The following LPIN1 variants were observed in gnomAD, a reference collection of about 807,000 sequenced individuals.
LPIN1 encodes the protein lipin 1.
In LPIN1, 71 loss-of-function variants were observed where a neutral mutation model predicts 107.5. The observed-to-expected ratio is 0.66, with a 90% CI of 0.55 to 0.80. LPIN1 has a LOEUF of 0.80. Among genes scored for constraint, LPIN1 ranks in the 30% least tolerant of loss-of-function variants. The probability of loss-of-function intolerance (pLI) is 0.00; values close to 1 mark genes in which losing one functional copy is unlikely to be tolerated. For synonymous variants in LPIN1, 445 were observed against 452.6 expected (o/e 0.98, Z 0.21); for missense variants, 1,043 against 1,160.6 (o/e 0.90, Z 1.47).
chr2:11,686,190 G>A (rs192075062), intron 1 of LPIN1, among the ~76,000 whole-genome samples: 6 of 152,294 alleles, frequency 3.9e-5, no homozygotes, highest in East Asian at 1.9e-4. Context: ...CCAGGTGAGC[G>A]TGCCTAGGTC....
chr2:11,724,336 G>A (rs146324854), exon 1 of LPIN1: 37 of 985,670 alleles, frequency 3.8e-5, no homozygotes, highest in East Asian at 1.1e-4. Context: ...GAGCCCATGC[G>A]CAGGGCATGG....
chr2:11,736,336 C>A (rs376131177), intron 1 of LPIN1, among the ~76,000 whole-genome samples: 4 of 152,242 alleles, frequency 2.6e-5, no homozygotes, highest in African/African-American at 9.6e-5. Flanking sequence ...GGGGTGCCGG[C>A]AGGGTTGGGT....
At chr2:11,779,898 T>G (rs1673290870) in intron 7 of LPIN1, among the ~76,000 whole-genome samples, 1 of 151,604 alleles carries the variant, frequency 6.6e-6, no homozygotes, top group Non-Finnish European at 1.5e-5. Context: ...TTTTTTTTCT[T>G]GAGACAGAGT....
At chr2:11,740,454 G>C (rs1245787624) in intron 1 of LPIN1, among the ~76,000 whole-genome samples, 2 of 152,062 alleles carry the variant, frequency 1.3e-5, no homozygotes, top group African/African-American at 4.8e-5. Flanking sequence ...GTCGAAGCAG[G>C]CAGATCATTT....
intron 1 of LPIN1, among the ~76,000 whole-genome samples, chr2:11,678,451 A>G (rs1558707929): frequency 1.3e-5 from 2 of 152,162 alleles, no homozygotes; most frequent in Admixed American, 1.3e-4. Flanking sequence ...GTGTCAAACC[A>G]CTGCTCCAAA....
Position 11,697,911 on chromosome 2 carries a change from C to T in LPIN1, c.82-15845C>T, listed in dbSNP as rs1662670611. 6.6e-6 allele frequency among the ~76,000 whole-genome samples: 1 copy of T among 152,162 alleles called. No individual in the cohort carries two copies. The highest frequency in any genetic ancestry group is 1.5e-5 in the Non-Finnish European group (1 of 68,028). ...CCGAGGGGCAGCCCTCAGTCACAAG[C>T]CAGACTAGTCACGCACCCCCGGCTG... On this transcript the variant is annotated intron_variant, in intron 1 of 21. Transcript: ENST00000449576. The surrounding 1 kb of genome is among the most constrained non-coding windows in gnomAD (Gnocchi z 4.6).
intron 1 of LPIN1, among the ~76,000 whole-genome samples, chr2:11,686,671 G>A (rs1662021087): frequency 2.0e-5 from 3 of 152,114 alleles, no homozygotes; most frequent in Admixed American, 6.5e-5. Flanking sequence ...TCATGCGAGC[G>A]AGCAACGAGA....
At chr2:11,731,474 T>C (rs761977961) in intron 1 of LPIN1, among the ~76,000 whole-genome samples, 9 of 152,248 alleles carry the variant, frequency 5.9e-5, no homozygotes, top group Non-Finnish European at 1.0e-4. Flanking sequence ...CAGTCTATCA[T>C]TGATGGGCAT....
rs768962550 is a variant in LPIN1, at chr2:11,805,154, C to T, written c.2247C>T (p.Ser749=). ...QGIAKLYHKV[S]QNGYKFLYCS... is the part of the protein sequence containing the mutation. ...TCGCTAAGCTGTACCATAAAGTGAG[C>T]CAGTGAGTACAGAGTTCCTGTTTCC... The change falls in exon 17 of 21, where the codon AGC becomes AGT. Residue 749 remains serine, a splice_region_variant and synonymous_variant. Transcript: ENST00000674199. The T allele has an allele frequency of 6.2e-7, 1 of 1,611,276 alleles. No homozygotes were observed. The highest frequency in any genetic ancestry group is 1.1e-5 in the South Asian group (1 of 91,024).
chr2:11,736,357 T>A (rs565187150), intron 1 of LPIN1, among the ~76,000 whole-genome samples: 1 of 152,360 alleles, frequency 6.6e-6, no homozygotes, highest in East Asian at 1.9e-4. Context: ...TCTGGTGATG[T>A]CCACTTTCCT....
intron 1 of LPIN1, among the ~76,000 whole-genome samples, chr2:11,757,112 T>C (rs1668799979): frequency 6.6e-6 from 1 of 152,204 alleles, no homozygotes. Context: ...GAGGTGAAGC[T>C]GCTATTTCTT....
At chr2:11,689,274 G>A (rs1005256655) in intron 1 of LPIN1, among the ~76,000 whole-genome samples, 1 of 152,150 alleles carries the variant, frequency 6.6e-6, no homozygotes, top group South Asian at 2.1e-4. Flanking sequence ...TGCCCTGGTC[G>A]TTTCAAAGTA....
chr2:11,681,281 C>A (rs551639065), intron 1 of LPIN1, among the ~76,000 whole-genome samples: 1 of 152,234 alleles, frequency 6.6e-6, no homozygotes, highest in Non-Finnish European at 1.5e-5. Flanking sequence ...GTGTGTCCCC[C>A]ACCCAAAGCT....
chr2:11,802,136 T>G (rs1271520398), intron 14 of LPIN1, among the ~76,000 whole-genome samples: 2 of 152,076 alleles, frequency 1.3e-5, no homozygotes, highest in African/African-American at 4.8e-5. Context: ...TTTTCAAAGA[T>G]AGTGGTCCTG....
rs534462160 is a variant in LPIN1 at position 11,803,439 on chromosome 2, A to G, written c.2013+406A>G. Among the ~76,000 whole-genome samples the G allele has an allele frequency of 6.6e-6, 1 of 152,300 alleles. No homozygotes were observed. On this transcript the variant is annotated intron_variant, in intron 15 of 20. Transcript: ENST00000674199. The surrounding 1 kb of genome is among the most constrained non-coding windows in gnomAD (Gnocchi z 4.2). ...GGTGGAAATCAAGCAGTTGTGATAGAATTTAGAGAATTTCAGGTAACCAGG... is the reference window on the plus strand; with the variant it reads ...GGTGGAAATCAAGCAGTTGTGATAGGATTTAGAGAATTTCAGGTAACCAGG...
At chr2:11,807,540 G>A (rs941979031) in intron 17 of LPIN1, among the ~76,000 whole-genome samples, 2 of 131,796 alleles carry the variant, frequency 1.5e-5, no homozygotes, top group African/African-American at 5.6e-5. Context: ...GTCTTGATTT[G>A]TCTCTTGGTT....
At chr2:11,702,296 T>C (rs1046042433) in intron 1 of LPIN1, among the ~76,000 whole-genome samples, 1 of 152,230 alleles carries the variant, frequency 6.6e-6, no homozygotes, top group East Asian at 1.9e-4. Flanking sequence ...TTTCAGTGGG[T>C]TCCGGAGTAC....
At chr2:11,813,386 A>G (rs374157863) in intron 17 of LPIN1, among the ~76,000 whole-genome samples, 1 of 152,084 alleles carries the variant, frequency 6.6e-6, no homozygotes, top group East Asian at 1.9e-4. Context: ...TTTTTTTTTA[A>G]TTAAAAAGTA....
intron 8 of LPIN1, among the ~76,000 whole-genome samples, chr2:11,783,024 G>A (rs1318244521): frequency 6.6e-6 from 1 of 152,136 alleles, no homozygotes; most frequent in Non-Finnish European, 1.5e-5. Context: ...TCTCCTCGGC[G>A]CTTGGCATAG....
Sources: allele counts gnomAD v4.1 joint callset (sites outside exome capture counted in the v4.1 genomes callset), GRCh38; gene constraint gnomAD v4.1.1; non-coding constraint Gnocchi (gnomAD v3.1); transcripts MANE v1.5; gene names NCBI Gene and HGNC (gene_info 2026-07-23, HGNC 2026-07-21).